EDEM2: variants seen among roughly 807,000 people sequenced by gnomAD.
The protein encoded by EDEM2 is ER degradation enhancing alpha-mannosidase like protein 2.
EDEM2 carries 39 observed loss-of-function variants against 64.8 expected under a neutral mutation model. The ratio of observed to expected loss-of-function variants is 0.60; its 90% confidence interval spans 0.47 to 0.79. EDEM2 has a LOEUF of 0.79. Ranked by LOEUF, EDEM2 falls within the 30% of genes least tolerant of loss-of-function variation. The probability of loss-of-function intolerance (pLI) is 0.00; values close to 1 mark genes in which losing one functional copy is unlikely to be tolerated. For synonymous variants in EDEM2, 296 were observed against 291.5 expected (o/e 1.02, Z -0.16); for missense variants, 609 against 731.3 (o/e 0.83, Z 1.93).
chr20:35,135,683 T>A (rs191816620), intron 5 of EDEM2, among the ~76,000 whole-genome samples: 6 of 152,116 alleles, frequency 3.9e-5, no homozygotes, highest in African/African-American at 1.4e-4. Flanking sequence ...AAGCCATTCA[T>A]AGACTTTAAA....
intron 9 of EDEM2, among the ~76,000 whole-genome samples, chr20:35,122,777 C>T (rs946027809): frequency 6.6e-6 from 1 of 152,198 alleles, no homozygotes; most frequent in Non-Finnish European, 1.5e-5. Context: ...TCTTTATTCC[C>T]TCTCCTGGTC....
At chr20:35,124,122 G>A (rs1458733299) in intron 8 of EDEM2, 88 bp from the exon 9 acceptor site, 2 of 1,495,442 alleles carry the variant, frequency 1.3e-6, no homozygotes, top group Admixed American at 3.9e-5. Flanking sequence ...AAAATCTGTG[G>A]GGCCAAAAAG....
At position 35,142,323 on chromosome 20, in the gene EDEM2, G is replaced by T. The variant is rs1167972729; in HGVS notation, c.364+50C>A. ...ATTTACCACTTCTTGGTTTACAGAG[G>T]CAACTTCACACTCTTTTTTCTTTTA... On this transcript the variant is annotated intron_variant, in intron 4 of 10. Transcript: ENST00000374492. The T allele has an allele frequency of 6.1e-6, 9 of 1,463,618 alleles. No homozygotes were observed. In the East Asian group the frequency reaches 2.0e-4, roughly 33 times the overall value. The allele number at this position is 1,463,618 out of a possible 1,614,324, so 90.7% of individuals were successfully genotyped here.
At position 35,123,987 on chromosome 20, in the gene EDEM2, G is replaced by A; in HGVS notation, c.1017C>T (p.Tyr339=). The A allele has an allele frequency of 1.2e-6, 2 of 1,614,122 alleles. No homozygotes were observed. The highest frequency in any genetic ancestry group is 1.7e-6 in the Non-Finnish European group (2 of 1,179,978). The change falls in exon 9 of 11, where the codon TAC becomes TAT. Residue 339 remains tyrosine (Y), a synonymous_variant. Coordinates refer to ENST00000374492, the MANE Select transcript of EDEM2 (RefSeq NM_018217.3). ...CCCCAAACTGCTTCCATACAGTGTA[G>A]TAGTTGAGGAAGGTCCTCATGGCAT... is the stretch of plus-strand genomic sequence containing the variant. ...IDNAMRTFLN[Y]YTVWKQFGGL...
intron 6 of EDEM2, among the ~76,000 whole-genome samples, chr20:35,132,425 G>A (rs1465269664): frequency 6.6e-6 from 1 of 151,978 alleles, no homozygotes; most frequent in African/African-American, 2.4e-5. Context: ...GGCTGAGGGG[G>A]GCAAAATCAC....
chr20:35,126,196 G>T, intron 8 of EDEM2, 55 bp downstream of exon 8: 1 of 1,588,250 alleles, frequency 6.3e-7, no homozygotes, highest in South Asian at 1.1e-5. Context: ...ACATCAGAAT[G>T]AGCTTGCTTT....
intron 9 of EDEM2, among the ~76,000 whole-genome samples, chr20:35,119,412 T>G (rs567986820): frequency 1.2e-4 from 18 of 152,074 alleles, no homozygotes; most frequent in Non-Finnish European, 2.9e-5. Context: ...CTGGGCAACA[T>G]GGCGAGATCT....
intron 10 of EDEM2, among the ~76,000 whole-genome samples, chr20:35,117,431 C>T (rs1244026934): frequency 1.3e-5 from 2 of 152,156 alleles, no homozygotes; most frequent in African/African-American, 4.8e-5. Context: ...CCCCTGTTCC[C>T]ATCATTCACC....
Position 35,127,469 on chromosome 20 carries a change from T to C in EDEM2, c.845-1094A>G, listed in dbSNP as rs1259799334. 3.9e-5 allele frequency among the ~76,000 whole-genome samples: 6 copies of C among 152,292 alleles called. No homozygotes were observed. In the East Asian group the frequency reaches 7.7e-4, roughly 20 times the overall value. The stretch of plus-strand genomic sequence containing the variant: ...TTATCCCTCATATCTCTCCCCTAGA[T>C]TGTAAATCCATGAGGCCTGGGACTT... On this transcript the variant is annotated intron_variant, in intron 7 of 10. Transcript: ENST00000374492.
chr20:35,115,568 G>C lies in EDEM2; in HGVS notation c.1602C>G (p.Leu534=). Residue 534 remains leucine, a synonymous_variant, in exon 11 of 11, where the codon CTC becomes CTG. Transcript: ENST00000374492. ...PWEPPARPGT[L]FSPENHDQAR... ...CCTGGTCATGGTTTTCTGGTGAGAA[G>C]AGTGTTCCTGGCCTTGCTGGAGGTT... The C allele has an allele frequency of 6.2e-7, 1 of 1,614,134 alleles. No individual in the cohort carries two copies. The highest frequency in any genetic ancestry group is 8.5e-7 in the Non-Finnish European group (1 of 1,180,036).
At chr20:35,130,564 A>C (rs1010869333) in intron 7 of EDEM2, among the ~76,000 whole-genome samples, 11 of 152,120 alleles carry the variant, frequency 7.2e-5, no homozygotes, top group African/African-American at 2.7e-4. Flanking sequence ...GGGTCTTACT[A>C]TATTGCCCAG....
chr20:35,140,972 T>C (rs1219464435), intron 4 of EDEM2, among the ~76,000 whole-genome samples: 1 of 151,528 alleles, frequency 6.6e-6, no homozygotes, highest in African/African-American at 2.4e-5. Context: ...ATACAAAAAT[T>C]AGCAGGGCAC....
At chr20:35,128,651 C>T (rs2085468314) in intron 7 of EDEM2, among the ~76,000 whole-genome samples, 1 of 149,794 alleles carries the variant, frequency 6.7e-6, no homozygotes, top group African/African-American at 2.5e-5. Flanking sequence ...GAGATAACAA[C>T]AGTTCTGTGA....
At chr20:35,135,098 T>A in intron 5 of EDEM2, 149 bp from the exon 6 acceptor site, 1 of 808,144 alleles carries the variant, frequency 1.2e-6, no homozygotes, top group Non-Finnish European at 1.9e-6. Context: ...ATAAATGTCA[T>A]AACTGGAGGG....
intron 2 of EDEM2, among the ~76,000 whole-genome samples, chr20:35,145,336 G>A (rs2146118466): frequency 6.6e-6 from 1 of 152,286 alleles, no homozygotes; most frequent in Middle Eastern, 3.4e-3. Flanking sequence ...TCACCTCTAG[G>A]AATTTAATTC....
Position 35,147,284 on chromosome 20 carries a change from C to T in EDEM2, c.-26G>A. 1.3e-6 allele frequency: 2 copies of T among 1,487,700 alleles called. No homozygotes were observed. Among genetic ancestry groups the T allele is most frequent in the South Asian group, 2.7e-5 (2 of 74,792 alleles). The allele number at this position is 1,487,700 out of a possible 1,614,324, so 92.2% of individuals were successfully genotyped here. A position where few individuals can be genotyped will look rare whatever the true frequency, so the allele number is the denominator to read the frequency against. Reference sequence around the variant, plus strand: ...AGAGCTCGTGTCCTCTCAGCGCCCCCGCAGCAGCAGCAGCCACTGCAACCA... The same window carrying T: ...AGAGCTCGTGTCCTCTCAGCGCCCCTGCAGCAGCAGCAGCCACTGCAACCA... On this transcript the variant is annotated 5_prime_UTR_variant, in exon 1 of 11. Transcript: ENST00000374492.
chr20:35,139,879 C>A (rs1021680148), intron 4 of EDEM2, among the ~76,000 whole-genome samples: 3 of 151,516 alleles, frequency 2.0e-5, no homozygotes, highest in African/African-American at 7.3e-5. Context: ...AGAAGACAGC[C>A]AAAGTGAAAA....
intron 7 of EDEM2, among the ~76,000 whole-genome samples, chr20:35,127,941 T>C (rs551566841): frequency 6.6e-6 from 1 of 152,346 alleles, no homozygotes; most frequent in East Asian, 1.9e-4. Context: ...TACTTGTTTG[T>C]GGTGATACTG....
At chr20:35,131,428 G>A (rs1186110430) in intron 7 of EDEM2, among the ~76,000 whole-genome samples, 1 of 152,076 alleles carries the variant, frequency 6.6e-6, no homozygotes, top group African/African-American at 2.4e-5. Flanking sequence ...GTGTGCGCCT[G>A]TAGTCCACAC....
Sources: allele counts gnomAD v4.1 joint callset (sites outside exome capture counted in the v4.1 genomes callset), GRCh38; gene constraint gnomAD v4.1.1; transcripts MANE v1.5; gene names NCBI Gene and HGNC (gene_info 2026-07-23, HGNC 2026-07-21).